The following COL23A1 variants were observed in gnomAD, a reference collection of about 807,000 sequenced individuals.
COL23A1 encodes collagen type XXIII alpha 1 chain, also known as collagen alpha-1(XXIII) chain.
A neutral mutation model predicts 99.3 loss-of-function variants in COL23A1; 97 were observed. The ratio of observed to expected loss-of-function variants is 0.98; its 90% CI spans 0.83 to 1.16. The LOEUF is 1.16. Ranked by LOEUF, COL23A1 falls within the 50% of genes most tolerant of loss-of-function variation. The probability of loss-of-function intolerance (pLI) is 0.00; values close to 1 mark genes in which losing one functional copy is unlikely to be tolerated. For synonymous variants in COL23A1, 320 were observed against 308.2 expected (o/e 1.04, Z -0.40); for missense variants, 762 against 757.4 (o/e 1.01, Z -0.07).
At chr5:178,249,672 C>T (rs1764906298) in intron 18 of COL23A1, among the ~76,000 whole-genome samples, 1 of 146,798 alleles carries the variant, frequency 6.8e-6, no homozygotes, top group African/African-American at 2.7e-5. Context: ...ATGCTTACGT[C>T]TGTATAGGAT....
At chr5:178,288,147 G>A (rs868425978) in intron 5 of COL23A1, among the ~76,000 whole-genome samples, 177 bp downstream of exon 5, 2 of 152,158 alleles carry the variant, frequency 1.3e-5, no homozygotes, top group South Asian at 2.1e-4. Context: ...GGCAGCCCTG[G>A]AGATCTGTGC....
intron 2 of COL23A1, among the ~76,000 whole-genome samples, chr5:178,469,192 A>G (rs565297506): frequency 6.6e-6 from 1 of 152,140 alleles, no homozygotes; most frequent in Non-Finnish European, 1.5e-5. Context: ...TACTGTGAAC[A>G]ATGCTGCCCT....
chr5:178,267,376 C>G (rs374916845), intron 7 of COL23A1, 43 bp from the exon 8 acceptor site: 1 of 1,604,666 alleles, frequency 6.2e-7, no homozygotes, highest in Non-Finnish European at 8.5e-7. Flanking sequence ...CTGCTTTCAT[C>G]GTTTCTTCAC....
intron 2 of COL23A1, among the ~76,000 whole-genome samples, chr5:178,323,713 C>CT (rs1324113937): frequency 1.3e-5 from 2 of 152,134 alleles, no homozygotes; most frequent in African/African-American, 4.8e-5. Flanking sequence ...ACCCTTCTCC[C>CT]TGGAGCAGGG....
intron 2 of COL23A1, among the ~76,000 whole-genome samples, chr5:178,471,061 A>G (rs1756719186): frequency 6.6e-6 from 1 of 152,158 alleles, no homozygotes; most frequent in South Asian, 2.1e-4. Flanking sequence ...CCTTGGGATC[A>G]CCTGGGGATT....
At chr5:178,356,771 C>T (rs1360920280) in intron 2 of COL23A1, among the ~76,000 whole-genome samples, 18 of 152,050 alleles carry the variant, frequency 1.2e-4, no homozygotes, top group Admixed American at 8.5e-4. Context: ...GTTACGCACC[C>T]TCCCCCGGCC....
chr5:178,543,529 C>T (rs1351292211), intron 2 of COL23A1, among the ~76,000 whole-genome samples: 1 of 152,150 alleles, frequency 6.6e-6, no homozygotes, highest in Admixed American at 6.5e-5. Context: ...ATGAAATAAG[C>T]CACTCCTAAT....
chr5:178,277,335 C>T (rs982016400), intron 5 of COL23A1, among the ~76,000 whole-genome samples: 1 of 152,238 alleles, frequency 6.6e-6, no homozygotes, highest in Non-Finnish European at 1.5e-5. Flanking sequence ...CACTACACTC[C>T]GGCCTGGGTG....
intron 2 of COL23A1, among the ~76,000 whole-genome samples, chr5:178,401,141 A>T (rs879425234): frequency 1.3e-5 from 2 of 152,186 alleles, no homozygotes; most frequent in Admixed American, 1.3e-4. Context: ...ACTTAGCATA[A>T]TGTCCTCAAG....
chr5:178,361,260 T>C (rs1441085102), intron 2 of COL23A1, among the ~76,000 whole-genome samples: 3 of 152,190 alleles, frequency 2.0e-5, no homozygotes, highest in African/African-American at 7.2e-5. Flanking sequence ...TGACAAGTAT[T>C]AAAGGAGTGT....
intron 2 of COL23A1, among the ~76,000 whole-genome samples, chr5:178,323,620 G>C (rs1368036594): frequency 6.6e-6 from 1 of 152,150 alleles, no homozygotes; most frequent in Non-Finnish European, 1.5e-5. Context: ...GCAGGTCCCA[G>C]GTCCTGCATC....
At position 178,468,455 on chromosome 5, in the gene COL23A1, G is replaced by A. The variant is rs1756547089; in HGVS notation, c.361+92227C>T. On this transcript the variant is annotated intron_variant, in intron 2 of 28. Coordinates refer to ENST00000390654, the MANE Select transcript of COL23A1 (RefSeq NM_173465.4). The surrounding 1 kb of genome is among the most constrained non-coding windows in gnomAD (Gnocchi z 4.2). Reference sequence around the variant, plus strand: ...ATCAACAACCACGGCTCCGTCTCCTGTGGGCTAGACACTGCCTGCAGGGCA... The same window carrying A: ...ATCAACAACCACGGCTCCGTCTCCTATGGGCTAGACACTGCCTGCAGGGCA... Among the ~76,000 whole-genome samples, 1 of 152,206 alleles carries A rather than the reference G, an allele frequency of 6.6e-6. No homozygotes were observed. Among genetic ancestry groups the A allele is most frequent in the Admixed American group, 6.5e-5 (1 of 15,286 alleles).
chr5:178,249,716 A>ACACACACACTCTCT lies in COL23A1; in HGVS notation c.1059+344_1059+345insAGAGAGTGTGTGTG. ...CACACACACACACACACACACACAC[A>ACACACACACTCTCT]CTCTCTCTCTCTCTCTCTCTCTCTC... On this transcript the variant is annotated intron_variant, in intron 18 of 28. Coordinates refer to ENST00000390654, the MANE Select transcript of COL23A1 (RefSeq NM_173465.4). Among the ~76,000 whole-genome samples the ACACACACACTCTCT allele has an allele frequency of 2.1e-3, 198 of 92,798 alleles. 2 individuals carry two copies. Among genetic ancestry groups the ACACACACACTCTCT allele is most frequent in the African/African-American group, 8.1e-3 (190 of 23,474 alleles). The allele number at this position is 92,798 out of a possible 152,430, so 60.9% of individuals were successfully genotyped here.
rs781607349 is a variant in COL23A1, at chr5:178,245,955, T to TC, written c.1426dup (p.Glu476GlyfsTer16). On this transcript the variant is annotated frameshift_variant, in exon 25 of 29. Coordinates refer to ENST00000390654, the MANE Select transcript of COL23A1 (RefSeq NM_173465.4). LOFTEE classifies it high-confidence loss of function. ...TAAGACACTTACATCTAGTCCTGGC[T>TC]CCCCGGGTCTGCCCTGAGGAGAGAC... 1.9e-6 allele frequency: 3 copies of TC among 1,614,088 alleles called. No individual in the cohort carries two copies. The highest frequency in any genetic ancestry group is 2.5e-6 in the Non-Finnish European group (3 of 1,180,010).
chr5:178,414,669 G>A (rs552343465), intron 2 of COL23A1, among the ~76,000 whole-genome samples: 2 of 152,330 alleles, frequency 1.3e-5, no homozygotes, highest in African/African-American at 2.4e-5. Context: ...CCTCTTGGGA[G>A]GCTGAGTCAG....
At position 178,262,251 on chromosome 5, in the gene COL23A1, C is replaced by A. The variant is rs267600574; in HGVS notation, c.641G>T (p.Gly214Val). Residue 214 changes from glycine to valine, a missense_variant and splice_region_variant, in exon 10 of 29, where the codon GGC (glycine) becomes GTC (valine). By Grantham distance (109) the Gly-to-Val change is moderately radical (BLOSUM62 -3). Transcript: ENST00000390654. Reference protein sequence around the residue: ...DGPRGAQGPAGPKGEPGQDGE... With the variant: ...DGPRGAQGPAVPKGEPGQDGE... ...GTCTTGTCCGGGCTCTCCTTTGGGG[C>A]CCTGCGGAAGTGTGAGGGGACAGCA... is the stretch of plus-strand genomic sequence containing the variant. 11 of 1,581,334 alleles carry A rather than the reference C, an allele frequency of 7.0e-6. No homozygotes were observed. The highest frequency in any genetic ancestry group is 1.2e-5 in the South Asian group (1 of 86,208).
intron 2 of COL23A1, among the ~76,000 whole-genome samples, chr5:178,450,204 G>A (rs955038658): frequency 6.6e-6 from 1 of 152,188 alleles, no homozygotes; most frequent in Non-Finnish European, 1.5e-5. Context: ...TAGGTGAGAA[G>A]TGTCGTTTCC....
intron 2 of COL23A1, among the ~76,000 whole-genome samples, chr5:178,406,792 T>C (rs965924998): frequency 9.9e-5 from 15 of 152,172 alleles, no homozygotes; most frequent in African/African-American, 3.1e-4. Context: ...ACACATATGA[T>C]AGCTTTGATA....
chr5:178,532,801 T>C (rs1404147849), intron 2 of COL23A1, among the ~76,000 whole-genome samples: 2 of 151,920 alleles, frequency 1.3e-5, no homozygotes, highest in East Asian at 1.9e-4. Flanking sequence ...CAAGAAGAGG[T>C]AGGAAAGACA....
Sources: gnomAD v4.1 joint callset for allele counts (sites outside exome capture counted in the v4.1 genomes callset) on GRCh38, gnomAD v4.1.1 for gene constraint, Gnocchi (gnomAD v3.1) non-coding constraint, MANE v1.5 for transcripts, NCBI Gene and HGNC (gene_info 2026-07-23, HGNC 2026-07-21) for gene names.